Variants in CGNL1 observed in about 807,000 individuals in gnomAD.
CGNL1 encodes cingulin-like protein 1.
In CGNL1, 132 loss-of-function variants were observed where a neutral mutation model predicts 141.2. The ratio of observed to expected loss-of-function variants is 0.93; its 90% confidence interval spans 0.81 to 1.08. The LOEUF is 1.08. CGNL1 is among the 50% of genes least tolerant of loss of function. The pLI is 0.00. For synonymous variants in CGNL1, 690 were observed against 622.1 expected, an observed-to-expected ratio of 1.11 and a Z score of -1.63; for missense variants, 1,870 against 1,588.6, an observed-to-expected ratio of 1.18 and a Z score of -3.01.
At chr15:57,440,581 C>T (rs569120760) in intron 3 of CGNL1, 110 bp downstream of exon 3, 30 of 817,682 alleles carry the variant, frequency 3.7e-5, no homozygotes, top group African/African-American at 6.8e-5. Context: ...CTGTGCCAGC[C>T]GTTGGAGGGT....
intron 1 of CGNL1, among the ~76,000 whole-genome samples, chr15:57,426,497 A>T (rs2152289756): frequency 1.4e-5 from 2 of 144,598 alleles, no homozygotes; most frequent in South Asian, 2.2e-4. Context: ...CCCAGGCTGG[A>T]TTATAGTAGT....
intron 10 of CGNL1, among the ~76,000 whole-genome samples, chr15:57,518,957 G>T (rs1344966251): frequency 6.6e-6 from 1 of 152,234 alleles, no homozygotes; most frequent in Non-Finnish European, 1.5e-5. Flanking sequence ...CTGCTTTCTG[G>T]CAGAAGCCAA....
chr15:57,453,588 G>C, intron 6 of CGNL1, 95 bp from the exon 7 acceptor site: 1 of 1,503,322 alleles, frequency 6.7e-7, no homozygotes. Flanking sequence ...TGGGGCTTTA[G>C]AGACTTGTGT....
At chr15:57,402,748 T>C (rs2062674246) in intron 1 of CGNL1, 2 of 152,220 alleles carry the variant, frequency 1.3e-5, no homozygotes, top group South Asian at 2.1e-4. Context: ...CCCAATGGCA[T>C]TGAGGTAAAG....
At chr15:57,450,722 C>CT (rs1286706774) in intron 4 of CGNL1, among the ~76,000 whole-genome samples, 53 of 152,294 alleles carry the variant, frequency 3.5e-4, no homozygotes, top group African/African-American at 1.2e-3. Context: ...GATCATAACT[C>CT]TGTGTTGCTT....
chr15:57,486,970 A>G (rs1567147945), intron 8 of CGNL1, among the ~76,000 whole-genome samples: 1 of 152,188 alleles, frequency 6.6e-6, no homozygotes, highest in Non-Finnish European at 1.5e-5. Flanking sequence ...CCTACCAGCC[A>G]TGCTTGAGGT....
chr15:57,444,133 A>G (rs1388433451), intron 4 of CGNL1, among the ~76,000 whole-genome samples: 1 of 152,160 alleles, frequency 6.6e-6, no homozygotes, highest in Admixed American at 6.5e-5. Context: ...GGAGGTAATC[A>G]TATCCTGACT....
intron 8 of CGNL1, among the ~76,000 whole-genome samples, chr15:57,507,300 T>C (rs1445353261): frequency 1.3e-5 from 2 of 152,244 alleles, no homozygotes; most frequent in Non-Finnish European, 2.9e-5. Flanking sequence ...TGAGTATCTC[T>C]GTAGGTTTAT....
chr15:57,496,577 T>C (rs1392376857), intron 8 of CGNL1, among the ~76,000 whole-genome samples: 2 of 152,024 alleles, frequency 1.3e-5, no homozygotes, highest in African/African-American at 2.4e-5. Flanking sequence ...GCCAAAAAGG[T>C]TGGGGACTGC....
At chr15:57,458,866 C>G (rs1363481254) in intron 7 of CGNL1, among the ~76,000 whole-genome samples, 7 of 152,208 alleles carry the variant, frequency 4.6e-5, no homozygotes, top group African/African-American at 1.7e-4. Context: ...CTGCATGGGT[C>G]TCTTGACATT....
intron 8 of CGNL1, among the ~76,000 whole-genome samples, chr15:57,464,761 T>A (rs565535422): frequency 6.7e-6 from 1 of 149,630 alleles, no homozygotes. Context: ...CCTTCTTTTT[T>A]TTTTTTGAGA....
chr15:57,381,518 G>T (rs929788675), intron 1 of CGNL1, among the ~76,000 whole-genome samples: 5 of 152,146 alleles, frequency 3.3e-5, no homozygotes, highest in Non-Finnish European at 7.3e-5. Flanking sequence ...CCATGATCAT[G>T]CCACTGCACT....
rs753345661 is a variant in CGNL1 at position 57,452,279 on chromosome 15, A to G, written c.2044A>G (p.Asn682Asp). The G allele has an allele frequency of 1.3e-5, 21 of 1,613,472 alleles. No individual in the cohort carries two copies. Among genetic ancestry groups the G allele is most frequent in the Non-Finnish European group, 1.7e-5 (20 of 1,179,730 alleles). ...LEESEGELRK[N>D]LEELFQVKME... ...AGAAAGTGAAGGGGAGCTCCGGAAG[A>G]ATCTGGAGGAGTAAGTTCTGGGCTG... Residue 682 changes from asparagine (N) to aspartate (D), a missense_variant, in exon 6 of 19, where the codon AAT becomes GAT. Coordinates refer to ENST00000281282, the MANE Select transcript of CGNL1 (RefSeq NM_032866.5).
chr15:57,381,926 A>G (rs1286055659), intron 1 of CGNL1, among the ~76,000 whole-genome samples: 2 of 152,248 alleles, frequency 1.3e-5, no homozygotes, highest in African/African-American at 4.8e-5. Flanking sequence ...AGAAGAGGGT[A>G]GATTAGGCTG....
At chr15:57,436,017 C>G (rs2063101450) in intron 1 of CGNL1, among the ~76,000 whole-genome samples, 1 of 152,140 alleles carries the variant, frequency 6.6e-6, no homozygotes, top group Admixed American at 6.5e-5. Context: ...ACAAAAACAG[C>G]ACAGCAACAA....
At chr15:57,415,031 G>A (rs1028412227) in intron 1 of CGNL1, among the ~76,000 whole-genome samples, 3 of 152,168 alleles carry the variant, frequency 2.0e-5, no homozygotes, top group African/African-American at 7.2e-5. Context: ...GCAGATGAAT[G>A]GTGTCTTATG....
chr15:57,500,316 T>A (rs1267555357), intron 8 of CGNL1, among the ~76,000 whole-genome samples: 1 of 152,118 alleles, frequency 6.6e-6, no homozygotes, highest in Admixed American at 6.5e-5. Context: ...TTGGGAATGG[T>A]GCTGCCATTG....
At chr15:57,517,184 C>T (rs1396737153) in intron 9 of CGNL1, among the ~76,000 whole-genome samples, 198 bp downstream of exon 9, 8 of 152,150 alleles carry the variant, frequency 5.3e-5, no homozygotes, top group African/African-American at 9.7e-5. Context: ...GGAACAGGGA[C>T]GGTGAGGTCA....
chr15:57,409,616 G>A (rs2062763346), intron 1 of CGNL1, among the ~76,000 whole-genome samples: 1 of 152,134 alleles, frequency 6.6e-6, no homozygotes, highest in African/African-American at 2.4e-5. Flanking sequence ...ATCACTAACT[G>A]ATGTTGTGTG....
Sources: allele counts gnomAD v4.1 joint callset (sites outside exome capture counted in the v4.1 genomes callset), GRCh38; gene constraint gnomAD v4.1.1; transcripts MANE v1.5; gene names NCBI Gene and HGNC (gene_info 2026-07-23, HGNC 2026-07-21).